Variants in CSMD3 observed in about 807,000 individuals in gnomAD.
The protein encoded by CSMD3 is CUB and sushi domain-containing protein 3.
In CSMD3, 177 loss-of-function variants were observed where a neutral mutation model predicts 435.2. That is an observed-to-expected ratio of 0.41 (90% CI 0.36 to 0.46). The LOEUF is 0.46. Among genes scored for constraint, CSMD3 ranks in the 20% least tolerant of loss-of-function variants. The probability of loss-of-function intolerance (pLI) is 0.34; values close to 1 mark genes in which losing one functional copy is unlikely to be tolerated. For missense variants in CSMD3, 4,265 were observed against 4,504.6 expected, an observed-to-expected ratio of 0.95 and a Z score of 1.52; for synonymous variants, 1,656 against 1,520.5, an observed-to-expected ratio of 1.09 and a Z score of -2.07.
chr8:113,013,575 C>T (rs1272230505), intron 6 of CSMD3, among the ~76,000 whole-genome samples: 1 of 151,996 alleles, frequency 6.6e-6, no homozygotes, highest in Non-Finnish European at 1.5e-5. Flanking sequence ...ATTATAAGGT[C>T]ATGGTGGGGG....
intron 11 of CSMD3, among the ~76,000 whole-genome samples, chr8:112,840,967 G>A (rs370168): frequency 0.24 from 36,280 of 151,216 alleles, 4,989 homozygotes; most frequent in Non-Finnish European, 0.32. Flanking sequence ...GAAGAATATA[G>A]TAAATTTAAA....
At chr8:113,215,230 C>A (rs2092889118) in intron 3 of CSMD3, among the ~76,000 whole-genome samples, 1 of 151,852 alleles carries the variant, frequency 6.6e-6, no homozygotes, top group South Asian at 2.1e-4. Context: ...AGGCAAAATT[C>A]TGACATGGTT....
chr8:113,232,831 T>C (rs2093103820), intron 3 of CSMD3, among the ~76,000 whole-genome samples: 1 of 151,736 alleles, frequency 6.6e-6, no homozygotes, highest in Non-Finnish European at 1.5e-5. Flanking sequence ...GAGGAAACAG[T>C]CTGGTTAACT....
intron 32 of CSMD3, among the ~76,000 whole-genome samples, chr8:112,463,234 T>C (rs979723453): frequency 2.0e-5 from 3 of 152,054 alleles, no homozygotes; most frequent in African/African-American, 7.2e-5. Flanking sequence ...TGGTGGCACA[T>C]ACCTGTAATC....
rs138528772 is a variant in CSMD3 at position 113,041,799 on chromosome 8, T to C, written c.918-22620A>G. 5.9e-3 allele frequency among the ~76,000 whole-genome samples: 899 copies of C among 152,312 alleles called. 4 individuals carry two copies. Among genetic ancestry groups the C allele is most frequent in the African/African-American group, 0.019 (798 of 41,582 alleles). Reference sequence around the variant, plus strand: ...TATTCAGAAATTAAATGAATCTTCATTGTGTACCTCCTACGATATACTTTT... The same window carrying C: ...TATTCAGAAATTAAATGAATCTTCACTGTGTACCTCCTACGATATACTTTT... On this transcript the variant is annotated intron_variant, in intron 5 of 70. Transcript: ENST00000297405.
intron 23 of CSMD3, among the ~76,000 whole-genome samples, chr8:112,583,009 CTGTTA>C (rs750902755): frequency 4.6e-5 from 7 of 151,964 alleles, no homozygotes; most frequent in African/African-American, 7.2e-5. Flanking sequence ...CTATGTTATT[CTGTTA>C]TAACAGCTCA....
intron 4 of CSMD3, among the ~76,000 whole-genome samples, chr8:113,101,288 T>C (rs966488737): frequency 3.9e-5 from 6 of 152,106 alleles, no homozygotes; most frequent in East Asian, 1.9e-4. Context: ...CCTTTTGAGA[T>C]TGGCCTCTTG....
intron 4 of CSMD3, among the ~76,000 whole-genome samples, chr8:113,168,252 C>T (rs1004793125): frequency 6.6e-6 from 1 of 151,994 alleles, no homozygotes; most frequent in Non-Finnish European, 1.5e-5. Flanking sequence ...TTAGACTGGA[C>T]GTGGTGGCTC....
intron 23 of CSMD3, among the ~76,000 whole-genome samples, chr8:112,582,623 C>A (rs1830416307): frequency 6.6e-6 from 1 of 151,806 alleles, no homozygotes; most frequent in African/African-American, 2.4e-5. Context: ...AGGTTTAGAG[C>A]CAAAGCATAA....
chr8:112,674,804 T>G lies in CSMD3; in HGVS notation c.2677+7638A>C, dbSNP rs573826881. 4.6e-5 allele frequency among the ~76,000 whole-genome samples: 7 copies of G among 152,284 alleles called. No homozygotes were observed. In the South Asian group the frequency reaches 1.4e-3, roughly 32 times the overall value. ...ATCTCCATTCTCTAAGAGGGATTCT[T>G]ATGCAGCCCTTTCCCTCAATTTGGC... On this transcript the variant is annotated intron_variant, in intron 16 of 70. Coordinates refer to ENST00000297405, the MANE Select transcript of CSMD3 (RefSeq NM_198123.2).
At chr8:112,265,632 T>C in intron 59 of CSMD3, 42 bp from the exon 60 acceptor site, 1 of 1,391,928 alleles carries the variant, frequency 7.2e-7, no homozygotes, top group Non-Finnish European at 1.0e-6. Context: ...TAATGAGGCA[T>C]GTATTTAATG....
chr8:113,393,815 CT>C (rs1182112935), intron 1 of CSMD3, among the ~76,000 whole-genome samples: 1 of 151,942 alleles, frequency 6.6e-6, no homozygotes, highest in Non-Finnish European at 1.5e-5. Flanking sequence ...CATTTTGCTC[CT>C]TAATTTTATT....
intron 22 of CSMD3, among the ~76,000 whole-genome samples, chr8:112,623,761 T>C (rs1227534761): frequency 6.6e-6 from 1 of 151,910 alleles, no homozygotes; most frequent in African/African-American, 2.4e-5. Flanking sequence ...AATAGTGGGA[T>C]AGATAAATAT....
chr8:112,390,097 C>A (rs1293748523), intron 36 of CSMD3, among the ~76,000 whole-genome samples: 1 of 152,182 alleles, frequency 6.6e-6, no homozygotes, highest in African/African-American at 2.4e-5. Context: ...CATAGTAAAT[C>A]TTTGGTTGTT....
At chr8:112,313,587 T>C (rs1338159659) in intron 49 of CSMD3, among the ~76,000 whole-genome samples, 1 of 152,130 alleles carries the variant, frequency 6.6e-6, no homozygotes, top group East Asian at 1.9e-4. Flanking sequence ...AAGTCATAAA[T>C]ATCCTAAATG....
chr8:112,893,670 C>T (rs2081867301), intron 10 of CSMD3, among the ~76,000 whole-genome samples: 1 of 151,424 alleles, frequency 6.6e-6, no homozygotes, highest in African/African-American at 2.4e-5. Flanking sequence ...AGTGCCTTAC[C>T]AACTGCAATA....
intron 40 of CSMD3, among the ~76,000 whole-genome samples, chr8:112,346,669 C>CTTTTT (rs1402415225): frequency 1.3e-4 from 15 of 111,850 alleles, no homozygotes; most frequent in African/African-American, 3.5e-4. Flanking sequence ...CCTCCTTTTC[C>CTTTTT]TTTTTTTTTT....
intron 32 of CSMD3, among the ~76,000 whole-genome samples, chr8:112,416,369 G>T (rs929408463): frequency 5.9e-5 from 9 of 152,116 alleles, no homozygotes; most frequent in Non-Finnish European, 1.2e-4. Context: ...GTTTCCTGAG[G>T]TTTCTCAAGC....
intron 63 of CSMD3, among the ~76,000 whole-genome samples, chr8:112,252,679 G>GTATATATATATATATA (rs10542301): frequency 2.1e-5 from 3 of 141,440 alleles, no homozygotes; most frequent in Non-Finnish European, 3.1e-5. Flanking sequence ...ATGTGTGTGT[G>GTATATATATATATATA]TATATATATA....
Sources: gnomAD v4.1 joint callset for allele counts (sites outside exome capture counted in the v4.1 genomes callset) on GRCh38, gnomAD v4.1.1 for gene constraint, MANE v1.5 for transcripts, NCBI Gene and HGNC (gene_info 2026-07-23, HGNC 2026-07-21) for gene names.